Variants in SFTPD observed in about 807,000 individuals in gnomAD.
The protein encoded by SFTPD is surfactant protein D.
A neutral mutation model predicts 34.6 loss-of-function variants in SFTPD; 18 were observed. The ratio of observed to expected loss-of-function variants is 0.52; its 90% CI spans 0.36 to 0.77. The LOEUF is 0.77. SFTPD is among the 30% of genes least tolerant of loss of function. SFTPD has a pLI of 0.00. For missense variants in SFTPD, 433 were observed against 468.9 expected (o/e 0.92, Z 0.71); for synonymous variants, 155 against 180.9 (o/e 0.86, Z 1.15).
chr10:79,957,009 A>AGCCACCGCTGTTCTG (rs1842744045), intron 1 of SFTPD, among the ~76,000 whole-genome samples: 1 of 138,648 alleles, frequency 7.2e-6, no homozygotes, highest in Non-Finnish European at 1.6e-5. Flanking sequence ...CCGCTGTTCT[A>AGCCACCGCTGTTCTG]CAGCCACCGC....
At chr10:79,941,799 C>A (rs1219529583) in intron 5 of SFTPD, among the ~76,000 whole-genome samples, 155 bp downstream of exon 5, 2 of 152,202 alleles carry the variant, frequency 1.3e-5, no homozygotes, top group Non-Finnish European at 1.5e-5. Context: ...GTCCCCAGAG[C>A]CCCCTCATGC....
At chr10:79,940,020 C>T (rs1249965945) in intron 7 of SFTPD, among the ~76,000 whole-genome samples, 7 of 152,184 alleles carry the variant, frequency 4.6e-5, no homozygotes, top group African/African-American at 1.7e-4. Flanking sequence ...GTGGCTGGAG[C>T]CCAGAAGCAG....
chr10:79,980,164 C>A (rs11201011), intron 1 of SFTPD, among the ~76,000 whole-genome samples: 101,443 of 151,952 alleles, frequency 0.67, 34,872 homozygotes, highest in African/African-American at 0.84. Flanking sequence ...GACTCAGTAC[C>A]TTGCTGGCAT....
chr10:79,971,061 GAT>G (rs1231245434), intron 1 of SFTPD: 1 of 152,042 alleles, frequency 6.6e-6, no homozygotes, highest in African/African-American at 2.4e-5. Context: ...GTTTGTTGAA[GAT>G]TTTTATCATG....
intron 2 of SFTPD, among the ~76,000 whole-genome samples, chr10:79,943,577 G>T (rs1162931991): frequency 2.0e-5 from 3 of 152,198 alleles, no homozygotes; most frequent in Admixed American, 2.0e-4. Flanking sequence ...TTTCAGGCTT[G>T]GAAGCCATGC....
chr10:79,945,846 T>G (rs1842659459), intron 2 of SFTPD, among the ~76,000 whole-genome samples: 1 of 152,178 alleles, frequency 6.6e-6, no homozygotes, highest in Non-Finnish European at 1.5e-5. Flanking sequence ...ACCTCCAGAA[T>G]GGTTGCTACT....
At chr10:79,941,907 C>A (rs1289921345) in intron 5 of SFTPD, 47 bp downstream of exon 5, 1 of 1,241,424 alleles carries the variant, frequency 8.1e-7, no homozygotes. Flanking sequence ...TCCAAGCAGG[C>A]ACAGGAGAAC....
intron 4 of SFTPD, 40 bp from the exon 5 acceptor site, chr10:79,942,110 G>A (rs900265156): frequency 7.7e-6 from 11 of 1,427,872 alleles, no homozygotes; most frequent in South Asian, 2.4e-5. Context: ...AGCTAAGAGC[G>A]CGTTCAGCAG....
intron 2 of SFTPD, 116 bp from the exon 3 acceptor site, chr10:79,942,995 C>A: frequency 2.9e-6 from 2 of 679,310 alleles, no homozygotes; most frequent in South Asian, 1.7e-5. Flanking sequence ...AGACTTCCAC[C>A]GTCACACACC....
At position 79,937,901 on chromosome 10, in the gene SFTPD, C is replaced by T. The variant is rs1483684236; in HGVS notation, c.1079G>A (p.Trp360Ter). The T allele has an allele frequency of 2.5e-6, 4 of 1,582,702 alleles. No homozygotes were observed. Among genetic ancestry groups the T allele is most frequent in the Non-Finnish European group, 3.4e-6 (4 of 1,160,552 alleles). ...DCVEIFTNGK[W>*]NDRACGEKRL... ...CTTTTCTCCACAAGCCCTGTCATTCCACTTGCCATTGGTGAAGATCTCCAC... is the reference window on the plus strand; with the variant it reads ...CTTTTCTCCACAAGCCCTGTCATTCTACTTGCCATTGGTGAAGATCTCCAC... Residue 360 changes from tryptophan to a stop codon, truncating the protein, a stop_gained, in exon 8 of 8, where the codon TGG becomes TAG. Transcript: ENST00000372292. LOFTEE classifies it high-confidence loss of function.
chr10:79,950,978 A>T (rs973432180), upstream of SFTPD: 1 of 152,020 alleles, frequency 6.6e-6, no homozygotes, highest in Non-Finnish European at 1.5e-5. Flanking sequence ...GTCTTTTGCT[A>T]AAAGTTTCAA....
At chr10:79,980,483 C>G (rs913022564) in intron 1 of SFTPD, among the ~76,000 whole-genome samples, 1 of 152,164 alleles carries the variant, frequency 6.6e-6, no homozygotes, top group Non-Finnish European at 1.5e-5. Context: ...CAGTGGTAGC[C>G]AGGAAATTGT....
At chr10:79,981,989 G>A (rs1051396616) in intron 1 of SFTPD, 17 of 306,380 alleles carry the variant, frequency 5.5e-5, no homozygotes, top group African/African-American at 3.8e-4. Flanking sequence ...CAGGCCGCCA[G>A]CCTCGCCCAC....
At chr10:79,977,822 T>C (rs1028374424) in intron 1 of SFTPD, among the ~76,000 whole-genome samples, 3 of 136,244 alleles carry the variant, frequency 2.2e-5, no homozygotes, top group Admixed American at 7.0e-5. Flanking sequence ...CCTTTCTTTC[T>C]TCCTCTCTTT....
chr10:79,966,940 C>T (rs546265350), intron 1 of SFTPD, among the ~76,000 whole-genome samples: 5 of 147,130 alleles, frequency 3.4e-5, no homozygotes, highest in East Asian at 5.0e-4. Flanking sequence ...TAGTGTTGGA[C>T]GTTCTGGCCA....
At chr10:79,978,372 C>G (rs1441269031) in intron 1 of SFTPD, among the ~76,000 whole-genome samples, 4 of 152,176 alleles carry the variant, frequency 2.6e-5, no homozygotes, top group East Asian at 1.9e-4. Context: ...TAGGCATATG[C>G]TGGGTGCAGT....
At chr10:79,962,391 T>G (rs1842778676) in intron 1 of SFTPD, among the ~76,000 whole-genome samples, 1 of 152,190 alleles carries the variant, frequency 6.6e-6, no homozygotes, top group Admixed American at 6.5e-5. Flanking sequence ...TATGTATATG[T>G]GAATCTGTGC....
chr10:79,946,744 A>G, intron 1 of SFTPD, 82 bp from the exon 2 acceptor site: 1 of 1,272,938 alleles, frequency 7.9e-7, no homozygotes, highest in Non-Finnish European at 1.1e-6. Flanking sequence ...TCTAGAGGTG[A>G]CAAGAAGCCC....
chr10:79,941,675 C>T, intron 5 of SFTPD, 161 bp from the exon 6 acceptor site: 1 of 639,180 alleles, frequency 1.6e-6, no homozygotes, highest in Non-Finnish European at 2.7e-6. Flanking sequence ...CTGACTGTCC[C>T]TGTCACCCAG....
Sources: gnomAD v4.1 joint callset for allele counts (sites outside exome capture counted in the v4.1 genomes callset) on GRCh38, gnomAD v4.1.1 for gene constraint, MANE v1.5 for transcripts, NCBI Gene and HGNC (gene_info 2026-07-23, HGNC 2026-07-21) for gene names.